SLC16A2: variants seen among roughly 807,000 people sequenced by gnomAD.
SLC16A2 encodes monocarboxylate transporter 8.
In SLC16A2, 3 loss-of-function variants were observed where a neutral mutation model predicts 27.2. The ratio of observed to expected loss-of-function variants is 0.11; its 90% confidence interval spans 0.05 to 0.28. SLC16A2 has a LOEUF of 0.28. Ranked by LOEUF, SLC16A2 falls within the 10% of genes least tolerant of loss-of-function variation. The pLI is 1.00. For synonymous variants in SLC16A2, 202 were observed against 187.8 expected (o/e 1.08, Z -0.62); for missense variants, 295 against 458.5 (o/e 0.64, Z 3.26).
intron 1 of SLC16A2, among the ~76,000 whole-genome samples, chrX:74,506,518 G>A (rs1569296855): frequency 9.0e-6 from 1 of 111,560 alleles, no homozygotes; most frequent in Non-Finnish European, 1.9e-5. Context: ...TTGCCTAATT[G>A]AATACTAGAA....
At chrX:74,487,304 G>A (rs943723777) in intron 1 of SLC16A2, among the ~76,000 whole-genome samples, 2 of 110,815 alleles carry the variant, frequency 1.8e-5, no homozygotes, top group African/African-American at 3.3e-5. Flanking sequence ...AGGCCTATTC[G>A]TTGGGGGATA....
chrX:74,489,970 TACAC>T (rs55975734), intron 1 of SLC16A2, among the ~76,000 whole-genome samples: 107 of 87,157 alleles, frequency 1.2e-3, no homozygotes, highest in Admixed American at 2.2e-3. Flanking sequence ...GTCACACACA[TACAC>T]ACACACACAC....
chrX:74,504,420 G>A (rs1316729480), intron 1 of SLC16A2, among the ~76,000 whole-genome samples: 1 of 111,046 alleles, frequency 9.0e-6, no homozygotes, highest in Non-Finnish European at 1.9e-5. Flanking sequence ...AGAGGCACCT[G>A]TCACATAAGT....
intron 1 of SLC16A2, among the ~76,000 whole-genome samples, chrX:74,443,520 C>T (rs1023306102): frequency 2.7e-5 from 3 of 112,096 alleles, no homozygotes; most frequent in East Asian, 2.8e-4. Context: ...TGAGTTGGCC[C>T]GGGGCTCTGA....
At chrX:74,496,976 C>T (rs756173298) in intron 1 of SLC16A2, among the ~76,000 whole-genome samples, 69 of 111,471 alleles carry the variant, frequency 6.2e-4, no homozygotes, top group African/African-American at 2.1e-3. Flanking sequence ...TGTGTTCCTC[C>T]ACTGATGCGC....
chrX:74,475,717 G>A (rs1442417389), intron 1 of SLC16A2, among the ~76,000 whole-genome samples: 1 of 111,739 alleles, frequency 8.9e-6, no homozygotes, highest in African/African-American at 3.3e-5. Context: ...AGTTTTCCCA[G>A]CACCATTTAT....
At chrX:74,473,862 T>C (rs755686511) in intron 1 of SLC16A2, 6 of 490,910 alleles carry the variant, frequency 1.2e-5, no homozygotes, top group Non-Finnish European at 2.2e-5. Flanking sequence ...CTCAACCATT[T>C]TGAGCCATTT....
intron 1 of SLC16A2, among the ~76,000 whole-genome samples, chrX:74,493,276 C>T (rs1287713778): frequency 8.9e-6 from 1 of 112,149 alleles, no homozygotes. Context: ...AATTCCTGCT[C>T]GGGGTGGAGG....
intron 4 of SLC16A2, among the ~76,000 whole-genome samples, chrX:74,526,365 A>AC (rs1363274405): frequency 9.0e-6 from 1 of 111,715 alleles, no homozygotes; most frequent in African/African-American, 3.3e-5. Context: ...TCAAGTAGTC[A>AC]CAAGTAATCC....
chrX:74,509,413 G>A (rs1382716175), intron 1 of SLC16A2, among the ~76,000 whole-genome samples: 1 of 111,714 alleles, frequency 9.0e-6, no homozygotes, highest in East Asian at 2.8e-4. Context: ...AATGGATACT[G>A]GATTTTGTCA....
rs919722662 is a variant in SLC16A2, at chrX:74,486,899, G to A, written c.431-34091G>A. 3.2e-4 allele frequency among the ~76,000 whole-genome samples: 36 copies of A among 111,625 alleles called. 2 individuals carry two copies. The highest frequency in any genetic ancestry group is 2.0e-3 in the East Asian group (7 of 3,546). Reference sequence around the variant, plus strand: ...GCACATATACACCATGGAATACTACGCAGCCGTAAAAAAGGATGAGTTCAT... The same window carrying A: ...GCACATATACACCATGGAATACTACACAGCCGTAAAAAAGGATGAGTTCAT... On this transcript the variant is annotated intron_variant, in intron 1 of 5. Coordinates refer to ENST00000587091, the MANE Select transcript of SLC16A2 (RefSeq NM_006517.5).
intron 1 of SLC16A2, among the ~76,000 whole-genome samples, chrX:74,470,568 A>T (rs1437499832): frequency 3.6e-5 from 4 of 111,992 alleles, no homozygotes; most frequent in Non-Finnish European, 7.5e-5. Context: ...CCCTCATGAC[A>T]TATGATATTG....
chrX:74,432,773 G>A (rs770512734), intron 1 of SLC16A2, among the ~76,000 whole-genome samples: 1 of 111,755 alleles, frequency 8.9e-6, no homozygotes, highest in South Asian at 3.8e-4. Context: ...GGCTGCTGTC[G>A]CATTAGGTGT....
chrX:74,499,568 C>T (rs1368469088), intron 1 of SLC16A2, among the ~76,000 whole-genome samples: 1 of 109,030 alleles, frequency 9.2e-6, no homozygotes, highest in African/African-American at 3.4e-5. Flanking sequence ...ATTATTGTGC[C>T]TCAGCCACCC....
intron 4 of SLC16A2, among the ~76,000 whole-genome samples, 172 bp downstream of exon 4, chrX:74,526,065 C>T (rs1315044941): frequency 8.9e-6 from 1 of 112,255 alleles, no homozygotes; most frequent in Admixed American, 9.4e-5. Flanking sequence ...CCTTGTTCTG[C>T]CTCTTTTACC....
intron 1 of SLC16A2, among the ~76,000 whole-genome samples, chrX:74,516,523 A>G (rs748372144): frequency 9.0e-6 from 1 of 111,449 alleles, no homozygotes; most frequent in Non-Finnish European, 1.9e-5. Context: ...AACTAGTAAC[A>G]TGTCGACACC....
chrX:74,524,264 G>C (rs1569299692), intron 2 of SLC16A2, 95 bp from the exon 3 acceptor site: 9 of 922,935 alleles, frequency 9.8e-6, no homozygotes, highest in Non-Finnish European at 1.4e-5. Context: ...TGTGGGTTAA[G>C]GGCGGAGGAA....
At chrX:74,517,783 C>G (rs1930338837) in intron 1 of SLC16A2, among the ~76,000 whole-genome samples, 1 of 111,700 alleles carries the variant, frequency 9.0e-6, no homozygotes, top group African/African-American at 3.3e-5. Context: ...TTCTTCATGT[C>G]CCTCTGTAGT....
At chrX:74,453,270 A>G (rs565350925) in intron 1 of SLC16A2, among the ~76,000 whole-genome samples, 2 of 110,816 alleles carry the variant, frequency 1.8e-5, no homozygotes, top group East Asian at 2.9e-4. Flanking sequence ...CCTGACCTCA[A>G]GTGATCCACC....
Sources: allele counts gnomAD v4.1 joint callset (sites outside exome capture counted in the v4.1 genomes callset), GRCh38; gene constraint gnomAD v4.1.1; transcripts MANE v1.5; gene names NCBI Gene and HGNC (gene_info 2026-07-23, HGNC 2026-07-21).